Variants in SSBP2 observed in about 807,000 individuals in gnomAD.
SSBP2 encodes the protein single stranded DNA binding protein 2.
In SSBP2, 17 loss-of-function variants were observed where a neutral mutation model predicts 61.8. The observed-to-expected ratio is 0.28, with a 90% CI of 0.19 to 0.41. The LOEUF (loss-of-function observed/expected upper bound fraction) is 0.41, where lower values mean the gene tolerates loss of function less well. Ranked by LOEUF, SSBP2 falls within the 10% of genes least tolerant of loss-of-function variation. The pLI is 1.00. For synonymous variants in SSBP2, 139 were observed against 141.3 expected, an observed-to-expected ratio of 0.98 and a Z score of 0.12; for missense variants, 310 against 458.7, an observed-to-expected ratio of 0.68 and a Z score of 2.96.
intron 1 of SSBP2, among the ~76,000 whole-genome samples, chr5:81,667,756 G>A (rs956581339): frequency 1.3e-5 from 2 of 152,068 alleles, no homozygotes; most frequent in African/African-American, 4.8e-5. Context: ...CCTCTACAGA[G>A]AAAACAATAT....
intron 1 of SSBP2, among the ~76,000 whole-genome samples, chr5:81,745,197 G>A (rs930368180): frequency 1.3e-5 from 2 of 152,030 alleles, no homozygotes; most frequent in Non-Finnish European, 2.9e-5. Flanking sequence ...GGTTGCAGAA[G>A]AAGAGCCTCT....
intron 3 of SSBP2, among the ~76,000 whole-genome samples, chr5:81,625,058 C>T (rs1448936951): frequency 1.3e-5 from 2 of 152,116 alleles, no homozygotes; most frequent in East Asian, 3.9e-4. Flanking sequence ...TGCTACATAA[C>T]TTGATGTAAG....
chr5:81,422,487 T>C (rs1403257557), intron 16 of SSBP2, among the ~76,000 whole-genome samples: 1 of 152,160 alleles, frequency 6.6e-6, no homozygotes, highest in Non-Finnish European at 1.5e-5. Context: ...AGGAAGAGGA[T>C]TGTTTAATCC....
At chr5:81,463,211 T>C (rs560130858) in intron 9 of SSBP2, among the ~76,000 whole-genome samples, 16 of 152,252 alleles carry the variant, frequency 1.1e-4, no homozygotes, top group African/African-American at 3.8e-4. Flanking sequence ...GTTTCACAAG[T>C]ATTTTATAAA....
chr5:81,587,748 C>G (rs1426965906), intron 4 of SSBP2, among the ~76,000 whole-genome samples: 1 of 120,158 alleles, frequency 8.3e-6, no homozygotes, highest in African/African-American at 3.1e-5. Flanking sequence ...CACACACACG[C>G]ACACACACGC....
At chr5:81,673,768 G>A (rs995029128) in intron 1 of SSBP2, among the ~76,000 whole-genome samples, 7 of 152,158 alleles carry the variant, frequency 4.6e-5, no homozygotes, top group Non-Finnish European at 4.4e-5. Flanking sequence ...GGCTAAAGAC[G>A]TTGGCACTAA....
At chr5:81,533,685 A>G (rs1262590760) in intron 4 of SSBP2, among the ~76,000 whole-genome samples, 1 of 152,142 alleles carries the variant, frequency 6.6e-6, no homozygotes, top group Non-Finnish European at 1.5e-5. Flanking sequence ...AAAACTGGAG[A>G]GACAAACAGG....
At chr5:81,552,564 G>A (rs1331826131) in intron 4 of SSBP2, among the ~76,000 whole-genome samples, 2 of 151,482 alleles carry the variant, frequency 1.3e-5, no homozygotes, top group African/African-American at 4.9e-5. Context: ...CTTGAACCCA[G>A]GAGGCAGAGG....
chr5:81,680,049 T>C (rs1014895001), intron 1 of SSBP2, among the ~76,000 whole-genome samples: 5 of 151,552 alleles, frequency 3.3e-5, no homozygotes, highest in African/African-American at 9.7e-5. Flanking sequence ...TCTCTGGACA[T>C]TGAACTCAAA....
chr5:81,584,599 A>G (rs1774926186), intron 4 of SSBP2, among the ~76,000 whole-genome samples: 1 of 152,170 alleles, frequency 6.6e-6, no homozygotes, highest in Non-Finnish European at 1.5e-5. Flanking sequence ...CAAGTATCCT[A>G]TGTGATATGA....
chr5:81,445,152 ATATATATATATATATATATATATATG>A lies in SSBP2; in HGVS notation c.778+1690_778+1715del, dbSNP rs1345591780. Among the ~76,000 whole-genome samples the A allele has an allele frequency of 4.2e-4, 34 of 81,056 alleles. 1 individual carries two copies. The highest frequency in any genetic ancestry group is 1.8e-3 in the South Asian group (4 of 2,270). 53.2% of individuals were successfully genotyped at this position (81,056 alleles called of 152,430 possible). On this transcript the variant is annotated intron_variant, in intron 12 of 16. Transcript: ENST00000320672. ...AAAAAAAAATTTTATATATATATAT[ATATATATATATATATATATATATATG>A]TATGTATTTACTGGAAAATGTCTGA...
intron 3 of SSBP2, among the ~76,000 whole-genome samples, chr5:81,629,902 A>G (rs1747539906): frequency 6.6e-6 from 1 of 152,180 alleles, no homozygotes; most frequent in Non-Finnish European, 1.5e-5. Context: ...TATCAAGTCT[A>G]TAATACATTA....
intron 3 of SSBP2, among the ~76,000 whole-genome samples, chr5:81,627,716 A>T (rs1747310997): frequency 6.6e-6 from 1 of 152,144 alleles, no homozygotes; most frequent in African/African-American, 2.4e-5. Context: ...AATACAGGGG[A>T]CCAAAGTCAC....
At chr5:81,592,843 G>A (rs185889778) in intron 4 of SSBP2, among the ~76,000 whole-genome samples, 27 of 152,194 alleles carry the variant, frequency 1.8e-4, no homozygotes, top group Admixed American at 1.4e-3. Context: ...CCATCTGTAC[G>A]TCACCATCAT....
At position 81,574,430 on chromosome 5, in the gene SSBP2, A is replaced by G. The variant is rs181047793; in HGVS notation, c.282+41043T>C. ...GAAAAGAGCATAAATGATAGATAGG[A>G]CATGGTAAAAATATCTAGGATACAA... On this transcript the variant is annotated intron_variant, in intron 4 of 16. Coordinates refer to ENST00000320672, the MANE Select transcript of SSBP2 (RefSeq NM_012446.5). Among the ~76,000 whole-genome samples the G allele has an allele frequency of 3.3e-4, 51 of 152,260 alleles. 1 individual carries two copies. Among genetic ancestry groups the G allele is most frequent in the Admixed American group, 3.0e-3 (46 of 15,296 alleles).
intron 4 of SSBP2, among the ~76,000 whole-genome samples, chr5:81,597,436 G>A (rs1309850019): frequency 6.6e-5 from 10 of 152,170 alleles, no homozygotes; most frequent in Non-Finnish European, 1.3e-4. Context: ...CAACCATTGT[G>A]GAAGTCAGTG....
intron 4 of SSBP2, among the ~76,000 whole-genome samples, chr5:81,547,352 C>A (rs947631344): frequency 6.6e-6 from 1 of 152,170 alleles, no homozygotes; most frequent in Non-Finnish European, 1.5e-5. Context: ...TTAGAAACAA[C>A]CAAGATGTTC....
intron 1 of SSBP2, among the ~76,000 whole-genome samples, chr5:81,659,472 C>G (rs1270574639): frequency 6.6e-6 from 1 of 152,018 alleles, no homozygotes; most frequent in Non-Finnish European, 1.5e-5. Flanking sequence ...ATGTGAAGGA[C>G]CTCTTCAAGG....
At chr5:81,545,765 G>A (rs1263884665) in intron 4 of SSBP2, among the ~76,000 whole-genome samples, 2 of 152,178 alleles carry the variant, frequency 1.3e-5, no homozygotes, top group African/African-American at 4.8e-5. Context: ...GGAAAACTGT[G>A]TTAATAAACA....
Sources: allele counts gnomAD v4.1 joint callset (sites outside exome capture counted in the v4.1 genomes callset), GRCh38; gene constraint gnomAD v4.1.1; transcripts MANE v1.5; gene names NCBI Gene and HGNC (gene_info 2026-07-23, HGNC 2026-07-21).